The following MSANTD3 variants were observed in gnomAD, a reference collection of about 807,000 sequenced individuals.
MSANTD3 encodes myb/SANT-like DNA-binding domain-containing protein 3.
In MSANTD3, 11 loss-of-function variants were observed where a neutral mutation model predicts 27.7. The ratio of observed to expected loss-of-function variants is 0.40; its 90% CI spans 0.25 to 0.66. MSANTD3 has a LOEUF of 0.66. Among genes scored for constraint, MSANTD3 ranks in the 30% least tolerant of loss-of-function variants. The probability of loss-of-function intolerance (pLI) is 0.41; values close to 1 mark genes in which losing one functional copy is unlikely to be tolerated. For missense variants in MSANTD3, 250 were observed against 336.5 expected (o/e 0.74, Z 2.01); for synonymous variants, 131 against 127.2 (o/e 1.03, Z -0.20).
At chr9:100,432,589 C>T (rs1021673626) in intron 1 of MSANTD3, among the ~76,000 whole-genome samples, 19 of 152,136 alleles carry the variant, frequency 1.2e-4, no homozygotes, top group Non-Finnish European at 2.5e-4. Context: ...GGTAATTCCA[C>T]AAATATTTAT....
chr9:100,448,310 A>G lies in MSANTD3; in HGVS notation c.419-2247A>G, dbSNP rs11998900. 2.8e-3 allele frequency: 2,730 copies of G among 985,344 alleles called. 46 individuals carry two copies. In the African/African-American group the frequency reaches 0.042, roughly 15 times the overall value. The allele number at this position is 985,344 out of a possible 1,614,324, so 61.0% of individuals were successfully genotyped here. ...GGAGTATCCAGAACTATCCCCTGGA[A>G]TGAAATCAAAGAGAAAAGAGACTAG... On this transcript the variant is annotated intron_variant, in intron 2 of 2. Transcript: ENST00000395067.
In MSANTD3 at chr9:100,443,123, G is replaced by T. The variant is rs145386396; in HGVS notation, c.418+767G>T. Among the ~76,000 whole-genome samples, 553 of 152,298 alleles carry T rather than the reference G, an allele frequency of 3.6e-3. 2 individuals are homozygous for T. Among genetic ancestry groups the T allele is most frequent in the Middle Eastern group, 0.017 (5 of 294 alleles). ...CCATATTAAAAGAGTCAACCGGCTG[G>T]GTTCTGTGGCTCATGCCTGTAATCC... On this transcript the variant is annotated intron_variant, in intron 2 of 2. Transcript: ENST00000395067.
chr9:100,449,772 G>A (rs1315940762), intron 2 of MSANTD3, among the ~76,000 whole-genome samples: 5 of 152,108 alleles, frequency 3.3e-5, no homozygotes, highest in Non-Finnish European at 5.9e-5. Context: ...AGGAGAATAT[G>A]AAAAGGTAAC....
At chr9:100,446,720 G>T (rs183953037) in intron 2 of MSANTD3, among the ~76,000 whole-genome samples, 1 of 152,082 alleles carries the variant, frequency 6.6e-6, no homozygotes, top group Non-Finnish European at 1.5e-5. Context: ...CCAGCTACTT[G>T]GGAGGCTGAG....
chr9:100,450,543 C>T lies in MSANTD3; in HGVS notation c.419-14C>T. The T allele has an allele frequency of 2.0e-6, 3 of 1,505,950 alleles. No individual in the cohort carries two copies. The highest frequency in any genetic ancestry group is 2.7e-6 in the Non-Finnish European group (3 of 1,130,802). The allele number at this position is 1,505,950 out of a possible 1,614,324, so 93.3% of individuals were successfully genotyped here. A position where few individuals can be genotyped will look rare whatever the true frequency, so the allele number is the denominator to read the frequency against. ...AAAATCTTTGAACATATGTTTTCTGCTACTGTTTTTCAGAATCATTTGCTG... is the reference window on the plus strand; with the variant it reads ...AAAATCTTTGAACATATGTTTTCTGTTACTGTTTTTCAGAATCATTTGCTG... On this transcript the variant is annotated splice_polypyrimidine_tract_variant and intron_variant, in intron 2 of 2. Coordinates refer to ENST00000395067, the MANE Select transcript of MSANTD3 (RefSeq NM_080655.3).
rs61603896 is a variant in MSANTD3 at position 100,433,872 on chromosome 9, G to A, written c.-34+6479G>A. On this transcript the variant is annotated intron_variant, in intron 1 of 2. Transcript: ENST00000395067. Reference sequence around the variant, plus strand: ...TGAATATGTTAAGTCTTTACCTCCCGAGTTGTGGCCCTGCTTTGTCCTCAA... The same window carrying A: ...TGAATATGTTAAGTCTTTACCTCCCAAGTTGTGGCCCTGCTTTGTCCTCAA... Among the ~76,000 whole-genome samples, 1,020 of 152,164 alleles carry A rather than the reference G, an allele frequency of 6.7e-3. 7 individuals carry two copies. Among genetic ancestry groups the A allele is most frequent in the African/African-American group, 0.024 (987 of 41,494 alleles).
At chr9:100,438,211 G>A (rs948512015) in intron 1 of MSANTD3, among the ~76,000 whole-genome samples, 6 of 152,164 alleles carry the variant, frequency 3.9e-5, no homozygotes, top group Admixed American at 3.9e-4. Context: ...AATCAATGAA[G>A]TGACATTTTT....
intron 1 of MSANTD3, 90 bp from the exon 2 acceptor site, chr9:100,441,816 A>G (rs1391280595): frequency 3.7e-6 from 5 of 1,364,490 alleles, no homozygotes; most frequent in Non-Finnish European, 4.9e-6. Flanking sequence ...ATTTCAGACA[A>G]GGGAATCAAG....
intron 2 of MSANTD3, among the ~76,000 whole-genome samples, chr9:100,443,725 T>C (rs1475518528): frequency 1.3e-5 from 2 of 152,254 alleles, no homozygotes; most frequent in East Asian, 3.8e-4. Flanking sequence ...GAAATGTCTC[T>C]AGGCAAGGGG....
chr9:100,428,463 G>A (rs1238005555), intron 1 of MSANTD3, among the ~76,000 whole-genome samples: 3 of 152,122 alleles, frequency 2.0e-5, no homozygotes, highest in Admixed American at 6.6e-5. Flanking sequence ...GATGGACAAG[G>A]GGGAGAAGAA....
rs1204825738 is a variant in MSANTD3, at chr9:100,427,192, G to GGCGGCGTCCGGGCTTTGTGGCC, written c.-228_-207dup. ...GGCGGCGGGCGGTCCGCGAGGGGGC[G>GGCGGCGTCCGGGCTTTGTGGCC]GCGGCGTCCGGGCTTTGTGGCCGCG... On this transcript the variant is annotated 5_prime_UTR_variant, in exon 1 of 3. Coordinates refer to ENST00000395067, the MANE Select transcript of MSANTD3 (RefSeq NM_080655.3). The GGCGGCGTCCGGGCTTTGTGGCC allele has an allele frequency of 6.8e-6, 1 of 146,114 alleles. No homozygotes were observed. Among genetic ancestry groups the GGCGGCGTCCGGGCTTTGTGGCC allele is most frequent in the Non-Finnish European group, 1.5e-5 (1 of 65,836 alleles). The allele number at this position is 146,114 out of a possible 1,614,324, so 9.1% of individuals were successfully genotyped here.
intron 1 of MSANTD3, among the ~76,000 whole-genome samples, chr9:100,437,082 G>GGT (rs780729988): frequency 3.3e-5 from 5 of 152,182 alleles, no homozygotes; most frequent in Non-Finnish European, 7.3e-5. Context: ...TGGGATTACA[G>GGT]GTGTGAACCA....
chr9:100,443,406 A>G (rs1836677071), intron 2 of MSANTD3, among the ~76,000 whole-genome samples: 1 of 152,138 alleles, frequency 6.6e-6, no homozygotes, highest in Non-Finnish European at 1.5e-5. Flanking sequence ...TCTCAAAAAA[A>G]AAAAAAAGAA....
rs544721873 is a variant in MSANTD3 at position 100,449,119 on chromosome 9, T to C, written c.419-1438T>C. Reference sequence around the variant, plus strand: ...TTCTCCAAGGAGAAGATGCTCGTTATTGGAAATGTAAAGCTTCTCAAGAAA... The same window carrying C: ...TTCTCCAAGGAGAAGATGCTCGTTACTGGAAATGTAAAGCTTCTCAAGAAA... On this transcript the variant is annotated intron_variant, in intron 2 of 2. Transcript: ENST00000395067. The C allele has an allele frequency of 1.8e-5, 18 of 985,400 alleles. No individual in the cohort carries two copies. The African/African-American group carries it at 2.1e-4, about 11-fold the overall frequency. 61.0% of individuals were successfully genotyped at this position (985,400 alleles called of 1,614,324 possible). A position where few individuals can be genotyped will look rare whatever the true frequency, so the allele number is the denominator to read the frequency against.
intron 2 of MSANTD3, among the ~76,000 whole-genome samples, chr9:100,449,569 C>G (rs1362494014): frequency 6.6e-6 from 1 of 152,046 alleles, no homozygotes; most frequent in African/African-American, 2.4e-5. Flanking sequence ...GATAGCCTAA[C>G]TTTAAGCAGA....
In MSANTD3 at chr9:100,450,884, T is replaced by G; in HGVS notation, c.746T>G (p.Met249Arg). Reference protein sequence around the residue: ...IKMEVLNKKKMYWERKLQTFT... With the variant: ...IKMEVLNKKKRYWERKLQTFT... ...ATGGAAGTTCTCAATAAAAAGAAGA[T>G]GTATTGGGAAAGAAAACTACAAACT... Residue 249 changes from methionine (M) to arginine (R), a missense_variant, in exon 3 of 3, where the codon ATG becomes AGG. Met to Arg is a moderately conservative substitution (Grantham distance 91). Coordinates refer to ENST00000395067, the MANE Select transcript of MSANTD3 (RefSeq NM_080655.3). 6.2e-7 allele frequency: 1 copy of G among 1,613,704 alleles called. No individual in the cohort carries two copies. The highest frequency in any genetic ancestry group is 8.5e-7 in the Non-Finnish European group (1 of 1,179,966).
rs1036508721 is a variant in MSANTD3 at position 100,427,250 on chromosome 9, GCGCCGCCGCCGC to G, written c.-166_-155del. ...CGGCGGGGCCTGGCCGGCCGGGGGC[GCGCCGCCGCCGC>G]CGCCGCCGCCCGGCGTTCGGGAGCC... On this transcript the variant is annotated 5_prime_UTR_variant, in exon 1 of 3. Transcript: ENST00000395067. The G allele has an allele frequency of 1.4e-5, 2 of 145,470 alleles. No homozygotes were observed. Among genetic ancestry groups the G allele is most frequent in the Non-Finnish European group, 3.1e-5 (2 of 65,530 alleles). 9.0% of individuals were successfully genotyped at this position (145,470 alleles called of 1,614,324 possible). A position where few individuals can be genotyped will look rare whatever the true frequency, so the allele number is the denominator to read the frequency against.
chr9:100,435,129 G>C (rs1053946173), intron 1 of MSANTD3, among the ~76,000 whole-genome samples: 2 of 152,218 alleles, frequency 1.3e-5, no homozygotes, highest in African/African-American at 4.8e-5. Context: ...GAGGGAATGA[G>C]GCAGGGCCGG....
intron 2 of MSANTD3, among the ~76,000 whole-genome samples, chr9:100,442,568 A>T (rs1165090592): frequency 6.6e-6 from 1 of 152,162 alleles, no homozygotes; most frequent in Admixed American, 6.5e-5. Flanking sequence ...GCACTTTGGG[A>T]TGCTGAGGCG....
Sources: allele counts gnomAD v4.1 joint callset (sites outside exome capture counted in the v4.1 genomes callset), GRCh38; gene constraint gnomAD v4.1.1; transcripts MANE v1.5; gene names NCBI Gene and HGNC (gene_info 2026-07-23, HGNC 2026-07-21).